Variants in CDKL5 observed in about 807,000 individuals in gnomAD.
CDKL5 encodes cyclin-dependent kinase-like 5.
A neutral mutation model predicts 61.7 loss-of-function variants in CDKL5; 8 were observed. The ratio of observed to expected loss-of-function variants is 0.13; its 90% CI spans 0.08 to 0.23. The LOEUF (loss-of-function observed/expected upper bound fraction) is 0.23, where lower values mean the gene tolerates loss of function less well. CDKL5 is among the 10% of genes least tolerant of loss of function. CDKL5 has a pLI of 1.00. For missense variants in CDKL5, 440 were observed against 734.5 expected (o/e 0.60, Z 4.63); for synonymous variants, 275 against 272.3 (o/e 1.01, Z -0.10).
intron 10 of CDKL5, among the ~76,000 whole-genome samples, chrX:18,597,308 A>G (rs1360647130): frequency 9.1e-6 from 1 of 110,331 alleles, no homozygotes; most frequent in Non-Finnish European, 1.9e-5. Context: ...TCTCTTTGCC[A>G]TTCTCTAAAG....
rs376980888 is a variant in CDKL5, at chrX:18,543,158, A to G, written c.100-21319A>G. ...AGTGGGGTGGTGCTGCAGTTTTTCCATTGCTGCAGTTTTTCCATTTTCTTT... is the reference window on the plus strand; with the variant it reads ...AGTGGGGTGGTGCTGCAGTTTTTCCGTTGCTGCAGTTTTTCCATTTTCTTT... On this transcript the variant is annotated intron_variant, in intron 3 of 17. Coordinates refer to ENST00000623535, the MANE Select transcript of CDKL5 (RefSeq NM_001323289.2). Among the ~76,000 whole-genome samples the G allele has an allele frequency of 5.5e-5, 6 of 108,967 alleles. No individual in the cohort carries two copies. In the East Asian group the frequency reaches 1.4e-3, roughly 26 times the overall value. The allele number at this position is 108,967 out of a possible 115,157, so 94.6% of individuals were successfully genotyped here. A position where few individuals can be genotyped will look rare whatever the true frequency, so the allele number is the denominator to read the frequency against.
At chrX:18,606,032 T>C (rs947654491) in intron 12 of CDKL5, among the ~76,000 whole-genome samples, 1 of 111,344 alleles carries the variant, frequency 9.0e-6, no homozygotes, top group African/African-American at 3.3e-5. Context: ...AATACAAAAA[T>C]TGGCTGGGCG....
intron 5 of CDKL5, among the ~76,000 whole-genome samples, chrX:18,579,571 A>G (rs1424252262): frequency 9.0e-6 from 1 of 111,055 alleles, no homozygotes; most frequent in Non-Finnish European, 1.9e-5. Context: ...TCTTCTAATT[A>G]TTCTAAAATA....
intron 1 of CDKL5, among the ~76,000 whole-genome samples, chrX:18,462,403 C>T (rs1306833957): frequency 1.8e-5 from 2 of 112,030 alleles, no homozygotes; most frequent in African/African-American, 6.5e-5. Flanking sequence ...AATGCAAACT[C>T]TTGGGCTCCA....
intron 1 of CDKL5, among the ~76,000 whole-genome samples, chrX:18,476,917 G>A (rs776082322): frequency 9.0e-6 from 1 of 111,341 alleles, no homozygotes; most frequent in Admixed American, 9.6e-5. Context: ...CTACAGGCAT[G>A]TGCCACCACG....
At chrX:18,449,780 A>G (rs1395799945) in intron 1 of CDKL5, among the ~76,000 whole-genome samples, 1 of 109,570 alleles carries the variant, frequency 9.1e-6, no homozygotes, top group Non-Finnish European at 1.9e-5. Flanking sequence ...TTTCCCCTTA[A>G]TACGATTCCC....
At chrX:18,476,584 A>G (rs1258299451) in intron 1 of CDKL5, among the ~76,000 whole-genome samples, 1 of 111,920 alleles carries the variant, frequency 8.9e-6, no homozygotes, top group African/African-American at 3.2e-5. Flanking sequence ...GATAGTGATT[A>G]TTAATAAAGT....
rs749889580 is a variant in CDKL5, at chrX:18,541,956, A to T, written c.100-22521A>T. On this transcript the variant is annotated intron_variant, in intron 3 of 17. Coordinates refer to ENST00000623535, the MANE Select transcript of CDKL5 (RefSeq NM_001323289.2). Reference sequence around the variant, plus strand: ...AAATTTTTTCTGTGATGATTCTAACATCTCTACAGTCTTCGCTGGCACCTG... The same window carrying T: ...AAATTTTTTCTGTGATGATTCTAACTTCTCTACAGTCTTCGCTGGCACCTG... 2.9e-4 allele frequency among the ~76,000 whole-genome samples: 32 copies of T among 111,882 alleles called. No individual in the cohort carries two copies. The South Asian group carries it at 0.011, about 40-fold the overall frequency.
At chrX:18,591,025 A>T (rs1158586397) in intron 9 of CDKL5, among the ~76,000 whole-genome samples, 1 of 110,038 alleles carries the variant, frequency 9.1e-6, no homozygotes, top group Admixed American at 9.7e-5. Context: ...AGTTTCATCA[A>T]CTTGGGACCC....
rs1927169933 is a variant in CDKL5 at position 18,629,334 on chromosome X, T to C, written c.*577T>C. The stretch of plus-strand genomic sequence containing the variant: ...TGTTAAAATCATATCTTTTATGTTA[T>C]AATGTAAAGTTATTTTGAGCTGTTT... On this transcript the variant is annotated 3_prime_UTR_variant, in exon 18 of 18. Transcript: ENST00000623535. 6.1e-6 allele frequency: 4 copies of C among 657,213 alleles called. No individual in the cohort carries two copies. Among genetic ancestry groups the C allele is most frequent in the Non-Finnish European group, 7.3e-6 (4 of 551,245 alleles). 54.2% of individuals were successfully genotyped at this position (657,213 alleles called of 1,213,427 possible).
rs142665931 is a variant in CDKL5, at chrX:18,603,911, C to T, written c.987C>T (p.Ala329=). The change falls in exon 12 of 18, where the codon GCC becomes GCT. Residue 329 remains alanine (A), a synonymous_variant. Transcript: ENST00000623535. ...TTTGTTTTTAACATAGAAACCAAGC[C>T]GGCAAAAGTACTGCTTTGCAGTCTC... is the stretch of plus-strand genomic sequence containing the variant. The part of the protein sequence containing the change: ...ESSTLSNRNQ[A]GKSTALQSHH... 12 of 1,210,828 alleles carry T rather than the reference C, an allele frequency of 9.9e-6. No homozygotes were observed. In the East Asian group the frequency reaches 1.2e-4, roughly 12 times the overall value.
At chrX:18,486,768 CTT>C (rs373960998) in intron 1 of CDKL5, among the ~76,000 whole-genome samples, 1,130 of 111,812 alleles carry the variant, frequency 0.01, 19 homozygotes, top group African/African-American at 0.034. Flanking sequence ...TGTTGAAACT[CTT>C]TTGAGGAAAT....
chrX:18,541,384 G>C (rs1400324556), intron 3 of CDKL5, among the ~76,000 whole-genome samples: 1 of 111,810 alleles, frequency 8.9e-6, no homozygotes, highest in Non-Finnish European at 1.9e-5. Flanking sequence ...CTTTTCTGTT[G>C]TTAAGATTGG....
intron 1 of CDKL5, among the ~76,000 whole-genome samples, chrX:18,459,950 G>T (rs1432495750): frequency 9.2e-6 from 1 of 109,051 alleles, no homozygotes; most frequent in East Asian, 2.9e-4. Flanking sequence ...TCGGCTCACT[G>T]CAACCTCTGC....
At chrX:18,510,018 GAAA>G (rs1164820299) in intron 2 of CDKL5, among the ~76,000 whole-genome samples, 1 of 62,813 alleles carries the variant, frequency 1.6e-5, no homozygotes, top group Non-Finnish European at 3.2e-5. Context: ...AAACAAAACA[GAAA>G]AAAAAAAAAA....
At chrX:18,512,903 A>G (rs186914980) in intron 3 of CDKL5, among the ~76,000 whole-genome samples, 159 of 111,285 alleles carry the variant, frequency 1.4e-3, no homozygotes, top group African/African-American at 5.0e-3. Context: ...CCCGAACATA[A>G]AACCTCCTTT....
At chrX:18,472,738 T>C (rs1921141700) in intron 1 of CDKL5, among the ~76,000 whole-genome samples, 1 of 111,082 alleles carries the variant, frequency 9.0e-6, no homozygotes, top group Admixed American at 9.7e-5. Context: ...ACCTTCTGTC[T>C]TCTGCAGTGC....
At chrX:18,452,685 G>C (rs2147637011) in intron 1 of CDKL5, among the ~76,000 whole-genome samples, 2 of 110,194 alleles carry the variant, frequency 1.8e-5, no homozygotes, top group African/African-American at 6.6e-5. Flanking sequence ...TGGTTCTCTA[G>C]TTTGTGAATT....
intron 1 of CDKL5, among the ~76,000 whole-genome samples, chrX:18,428,322 G>T (rs1043279360): frequency 8.9e-6 from 1 of 112,326 alleles, no homozygotes; most frequent in Admixed American, 9.5e-5. Context: ...CTTTGTAAAA[G>T]AAAATTTAGC....
Sources: allele counts gnomAD v4.1 joint callset (sites outside exome capture counted in the v4.1 genomes callset), GRCh38; gene constraint gnomAD v4.1.1; transcripts MANE v1.5; gene names NCBI Gene and HGNC (gene_info 2026-07-23, HGNC 2026-07-21).